The following RYR3 variants were observed in gnomAD, a reference collection of about 807,000 sequenced individuals.
The protein encoded by RYR3 is ryanodine receptor 3.
RYR3 carries 207 observed loss-of-function variants against 584.3 expected under a neutral mutation model. The observed-to-expected ratio is 0.35, with a 90% CI of 0.32 to 0.40. RYR3 has a LOEUF of 0.40. RYR3 is among the 10% of genes least tolerant of loss of function. RYR3 has a pLI of 1.00. For synonymous variants in RYR3, 2,416 were observed against 2,248.5 expected (o/e 1.07, Z -2.11); for missense variants, 5,616 against 6,089.2 (o/e 0.92, Z 2.59).
chr15:33,466,792 C>G (rs368299199), intron 1 of RYR3, among the ~76,000 whole-genome samples: 4 of 152,106 alleles, frequency 2.6e-5, no homozygotes, highest in Non-Finnish European at 5.9e-5. Context: ...TCAGAACATA[C>G]GATTCTTTCA....
intron 30 of RYR3, among the ~76,000 whole-genome samples, chr15:33,648,763 C>G (rs754456255): frequency 1.3e-5 from 2 of 152,206 alleles, no homozygotes; most frequent in Non-Finnish European, 2.9e-5. Context: ...GAGCAGCTGC[C>G]ACTGCTTCCA....
At chr15:33,618,570 A>G (rs1202694928) in intron 19 of RYR3, among the ~76,000 whole-genome samples, 1 of 152,222 alleles carries the variant, frequency 6.6e-6, no homozygotes, top group Non-Finnish European at 1.5e-5. Flanking sequence ...CTAAAGATGC[A>G]ATTATGAATC....
intron 67 of RYR3, among the ~76,000 whole-genome samples, chr15:33,796,534 T>G (rs187586309): frequency 6.6e-6 from 1 of 152,226 alleles, no homozygotes; most frequent in African/African-American, 2.4e-5. Context: ...CTGTGCTCAG[T>G]TATTTCATCC....
intron 36 of RYR3, among the ~76,000 whole-genome samples, chr15:33,664,589 G>GTGTATGTATA (rs577496539): frequency 1.1e-5 from 1 of 91,354 alleles, no homozygotes; most frequent in Non-Finnish European, 2.1e-5. Context: ...GTGTGTGTGT[G>GTGTATGTATA]TATATATATA....
chr15:33,750,283 C>T lies in RYR3; in HGVS notation c.8396C>T (p.Ser2799Phe), dbSNP rs776207635. The T allele has an allele frequency of 3.1e-6, 5 of 1,610,590 alleles. No homozygotes were observed. Among genetic ancestry groups the T allele is most frequent in the Non-Finnish European group, 2.5e-6 (3 of 1,178,392 alleles). ...KFLQVNGIIV[S>F]RGMKDMELDA... ...CTCCAAGTGAATGGCATCATAGTTT[C>T]CAGGTAAGTCACCTTCCATGTGATG... Residue 2799 changes from serine (S) to phenylalanine (F), a missense_variant, in exon 57 of 104, where the codon TCC becomes TTC. Around this residue, in one of 9 missense-constraint regions of RYR3, gnomAD observed 1,280 missense variants for 1,426.2 expected, o/e 0.90. Transcript: ENST00000634891.
chr15:33,815,206 A>G (rs1423414044), intron 74 of RYR3, among the ~76,000 whole-genome samples: 1 of 152,242 alleles, frequency 6.6e-6, no homozygotes, highest in African/African-American at 2.4e-5. Context: ...AAAAGATGAA[A>G]AGCTCAAGCA....
intron 1 of RYR3, among the ~76,000 whole-genome samples, chr15:33,428,944 A>C (rs2044883467): frequency 6.6e-6 from 1 of 152,178 alleles, no homozygotes; most frequent in Admixed American, 6.5e-5. Context: ...GAAGCTGCTG[A>C]GATTCTTTAC....
intron 72 of RYR3, among the ~76,000 whole-genome samples, chr15:33,811,548 A>AATGT (rs1485464587): frequency 5.6e-5 from 8 of 141,612 alleles, no homozygotes; most frequent in Non-Finnish European, 1.3e-4. Context: ...AACTGCCCTT[A>AATGT]ATGTATGTTT....
At chr15:33,672,616 A>G (rs990335613) in intron 38 of RYR3, among the ~76,000 whole-genome samples, 20 of 152,148 alleles carry the variant, frequency 1.3e-4, no homozygotes, top group African/African-American at 4.1e-4. Flanking sequence ...ACCCCCATAA[A>G]TTGTTTTTAA....
At chr15:33,860,331 A>G (rs1374415366) in intron 100 of RYR3, among the ~76,000 whole-genome samples, 1 of 152,174 alleles carries the variant, frequency 6.6e-6, no homozygotes, top group Non-Finnish European at 1.5e-5. Context: ...ATAGGAGACC[A>G]ACCAGGGAGA....
At chr15:33,581,000 C>T (rs1048262363) in intron 13 of RYR3, among the ~76,000 whole-genome samples, 1 of 125,562 alleles carries the variant, frequency 8.0e-6, no homozygotes, top group Non-Finnish European at 1.6e-5. Flanking sequence ...GTTGAAGATC[C>T]TCTTGTACTG....
In RYR3 at chr15:33,838,800, G is replaced by A. The variant is rs746509867; in HGVS notation, c.12820G>A (p.Asp4274Asn). ...LVHFIKGEKG[D>N]TDIMSDLFGL... ...ACACTTCATAAAGGGGGAGAAGGGA[G>A]ATACAGATATCATGTCAGACCTCTT... Residue 4274 changes from aspartate to asparagine, a missense_variant, in exon 89 of 104, where the codon GAT becomes AAT. This residue lies in a region of RYR3 where 918 missense variants were observed against 887.4 expected (regional missense o/e 1.03). Coordinates refer to ENST00000634891, the MANE Select transcript of RYR3 (RefSeq NM_001036.6). 9.3e-6 allele frequency: 15 copies of A among 1,613,764 alleles called. No homozygotes were observed. Among genetic ancestry groups the A allele is most frequent in the African/African-American group, 1.3e-5 (1 of 74,904 alleles).
At chr15:33,542,552 T>A (rs1265208973) in intron 7 of RYR3, among the ~76,000 whole-genome samples, 1 of 152,072 alleles carries the variant, frequency 6.6e-6, no homozygotes, top group Non-Finnish European at 1.5e-5. Flanking sequence ...TTGAGGGAAT[T>A]TTAGAAAAAC....
intron 69 of RYR3, among the ~76,000 whole-genome samples, chr15:33,803,499 G>T (rs866749143): frequency 2.5e-4 from 38 of 152,084 alleles, no homozygotes; most frequent in African/African-American, 8.9e-4. Context: ...ATAAATCCCA[G>T]ACAGATTCCA....
At chr15:33,807,737 G>A (rs989763238) in intron 70 of RYR3, 168 bp downstream of exon 70, 2 of 693,776 alleles carry the variant, frequency 2.9e-6, no homozygotes, top group Admixed American at 4.8e-5. Context: ...AAGAGTGAAT[G>A]TAGGCCTACC....
At chr15:33,697,670 A>G (rs1312517868) in intron 39 of RYR3, among the ~76,000 whole-genome samples, 2 of 152,242 alleles carry the variant, frequency 1.3e-5, no homozygotes, top group African/African-American at 2.4e-5. Context: ...GAGAAAAAGC[A>G]AGTACTTAGA....
chr15:33,558,718 A>G (rs1019606592), intron 10 of RYR3, among the ~76,000 whole-genome samples: 3 of 152,314 alleles, frequency 2.0e-5, no homozygotes, highest in South Asian at 4.1e-4. Context: ...GGCAGCTAGT[A>G]TACCAACAAC....
intron 31 of RYR3, among the ~76,000 whole-genome samples, chr15:33,651,550 G>A (rs575008646): frequency 6.1e-4 from 93 of 152,290 alleles, no homozygotes; most frequent in Admixed American, 2.6e-3. Flanking sequence ...AAGGAACCTC[G>A]GAGAATCCTA....
chr15:33,843,200 G>T (rs1411632318), intron 91 of RYR3, among the ~76,000 whole-genome samples: 1 of 152,066 alleles, frequency 6.6e-6, no homozygotes, highest in Non-Finnish European at 1.5e-5. Context: ...GGCGCCTGTA[G>T]TCCCAGCTAC....
Sources: gnomAD v4.1 joint callset for allele counts (sites outside exome capture counted in the v4.1 genomes callset) on GRCh38, gnomAD v4.1.1 for gene constraint, gnomAD v4.1.1 regional missense constraint, MANE v1.5 for transcripts, NCBI Gene and HGNC (gene_info 2026-07-23, HGNC 2026-07-21) for gene names.